Variants in LRP1 observed in about 807,000 individuals in gnomAD.
LRP1 encodes the protein LDL receptor related protein 1.
A neutral mutation model predicts 541.5 loss-of-function variants in LRP1; 51 were observed. The observed-to-expected ratio is 0.09, with a 90% CI of 0.08 to 0.12. The LOEUF (loss-of-function observed/expected upper bound fraction) is 0.12. LRP1 is among the 10% of genes least tolerant of loss of function. The pLI is 1.00. For synonymous variants in LRP1, 2,219 were observed against 2,470.8 expected (o/e 0.90, Z 3.02); for missense variants, 3,878 against 6,376.2 (o/e 0.61, Z 13.34).
At position 57,205,332 on chromosome 12, in the gene LRP1, C is replaced by T. The variant is rs779060952; in HGVS notation, c.11336-19C>T. 3 of 1,591,800 alleles carry T rather than the reference C, an allele frequency of 1.9e-6. No individual in the cohort carries two copies. The highest frequency in any genetic ancestry group is 2.6e-6 in the Non-Finnish European group (3 of 1,167,448). ...CTGGGGTGGCTCAAGGGAGGGCATC[C>T]ACTCTCTGTCCCCCACAGACCCCAA... On this transcript the variant is annotated intron_variant, in intron 73 of 88. Coordinates refer to ENST00000243077, the MANE Select transcript of LRP1 (RefSeq NM_002332.3). The surrounding 1 kb of genome is among the most constrained non-coding windows in gnomAD (Gnocchi z 4.6).
At position 57,199,356 on chromosome 12, in the gene LRP1, G is replaced by C. The variant is rs773955803; in HGVS notation, c.9821G>C (p.Arg3274Pro). 6.2e-7 allele frequency: 1 copy of C among 1,612,670 alleles called. No homozygotes were observed. The highest frequency in any genetic ancestry group is 8.5e-7 in the Non-Finnish European group (1 of 1,179,816). Residue 3274 changes from arginine to proline, a missense_variant, in exon 61 of 89, where the codon CGG (arginine) becomes CCG (proline). Arg to Pro is a moderately radical substitution (Grantham distance 103, BLOSUM62 -2). This residue lies in a region of LRP1 where 1,100 missense variants were observed against 1,827.4 expected (regional missense o/e 0.60). Coordinates refer to ENST00000243077, the MANE Select transcript of LRP1 (RefSeq NM_002332.3). ...ACGCTCCTCATCAGCACGCTGCACCGGCCCATGGACCTGCATGTCTTCCAT... is the reference window on the plus strand; with the variant it reads ...ACGCTCCTCATCAGCACGCTGCACCCGCCCATGGACCTGCATGTCTTCCAT... ...NKTLLISTLH[R>P]PMDLHVFHAL...
Position 57,201,499 on chromosome 12 carries a change from G to C in LRP1, c.10348G>C (p.Glu3450Gln), listed in dbSNP as rs761196035. Residue 3450 changes from glutamate to glutamine, a missense_variant and splice_region_variant, in exon 66 of 89, where the codon GAG becomes CAG. Glu to Gln is a conservative substitution (Grantham distance 29, BLOSUM62 2). Coordinates refer to ENST00000243077, the MANE Select transcript of LRP1 (RefSeq NM_002332.3). The surrounding 1 kb of genome is among the most constrained non-coding windows in gnomAD (Gnocchi z 6.4). ...TCATTCTCTTGCCCACCCCACAGCC[G>C]AGGTGACCTGCGCCCCCAACCAGTT... Reference protein sequence around the residue: ...GDGEDERDCPEVTCAPNQFQC... With the variant: ...GDGEDERDCPQVTCAPNQFQC... 1 of 1,612,006 alleles carries C rather than the reference G, an allele frequency of 6.2e-7. No individual in the cohort carries two copies. Among genetic ancestry groups the C allele is most frequent in the Non-Finnish European group, 8.5e-7 (1 of 1,178,776 alleles).
At chr12:57,210,961 C>G (rs999528750) in intron 83 of LRP1, 82 bp downstream of exon 83, 21 of 1,520,504 alleles carry the variant, frequency 1.4e-5, no homozygotes, top group Middle Eastern at 1.7e-4. Flanking sequence ...TCAACCTGTG[C>G]CTGGGACCCA....
intron 13 of LRP1, 138 bp downstream of exon 13, chr12:57,161,253 T>G: frequency 1.4e-6 from 1 of 735,912 alleles, no homozygotes; most frequent in Non-Finnish European, 2.2e-6. Flanking sequence ...GTGCATCTAT[T>G]TTTCTGTGCA....
intron 1 of LRP1, among the ~76,000 whole-genome samples, chr12:57,135,077 G>C (rs950606781): frequency 3.3e-5 from 5 of 152,170 alleles, no homozygotes; most frequent in Admixed American, 2.0e-4. Flanking sequence ...CAGTCACCCT[G>C]TGCCTCAGCT....
chr12:57,207,867 G>A (rs75346805), intron 76 of LRP1, among the ~76,000 whole-genome samples, 171 bp from the exon 77 acceptor site: 1,818 of 152,372 alleles, frequency 0.012, 51 homozygotes, highest in African/African-American at 0.041. Flanking sequence ...CACCAGCCAC[G>A]TGTGAGAGCT....
At position 57,178,351 on chromosome 12, in the gene LRP1, G is replaced by A. The variant is rs2036091907; in HGVS notation, c.4362-8G>A. 1 of 1,610,250 alleles carries A rather than the reference G, an allele frequency of 6.2e-7. No homozygotes were observed. The highest frequency in any genetic ancestry group is 1.1e-5 in the South Asian group (1 of 90,826). On this transcript the variant is annotated splice_region_variant and splice_polypyrimidine_tract_variant and intron_variant, in intron 26 of 88. Transcript: ENST00000243077. This position sits in a 1 kb window ranked among gnomAD's most constrained non-coding sequence, Gnocchi z 5.8. ...TGGCATCCTCATTCTGCTCCATCATGCTCTTAGGTCAGATGCCATTTACTC... is the reference window on the plus strand; with the variant it reads ...TGGCATCCTCATTCTGCTCCATCATACTCTTAGGTCAGATGCCATTTACTC...
rs138740336 is a variant in LRP1 at position 57,152,946 on chromosome 12, TG to T, written c.842-1258del. Among the ~76,000 whole-genome samples, 132 of 151,782 alleles carry T rather than the reference TG, an allele frequency of 8.7e-4. 1 individual carries two copies. Among genetic ancestry groups the T allele is most frequent in the African/African-American group, 3.0e-3 (123 of 41,460 alleles). On this transcript the variant is annotated intron_variant, in intron 6 of 88. Transcript: ENST00000243077. ...TTAGGGAGCAGCCCCTGAATCCCTGTGGGGAGGAGGGGGAATTAGGGAGGGG... is the reference window on the plus strand; with the variant it reads ...TTAGGGAGCAGCCCCTGAATCCCTGTGGGAGGAGGGGGAATTAGGGAGGGG...
In LRP1 at chr12:57,183,925, G is replaced by T. The variant is rs765314891; in HGVS notation, c.5929+16G>T. ...TGGATCGCAGGTGAGCAGTGGGCAG[G>T]TTTGTGGGGCTTGGGGTGTGGCAGA... On this transcript the variant is annotated intron_variant, in intron 36 of 88. Transcript: ENST00000243077. The surrounding 1 kb of genome is among the most constrained non-coding windows in gnomAD (Gnocchi z 6.1). 1 of 1,614,050 alleles carries T rather than the reference G, an allele frequency of 6.2e-7. No individual in the cohort carries two copies. Among genetic ancestry groups the T allele is most frequent in the Non-Finnish European group, 8.5e-7 (1 of 1,180,030 alleles).
Position 57,158,643 on chromosome 12 carries a change from G to C in LRP1, c.1798+5G>C, listed in dbSNP as rs1382125420. 1.2e-6 allele frequency: 2 copies of C among 1,612,810 alleles called. No homozygotes were observed. The highest frequency in any genetic ancestry group is 2.2e-5 in the South Asian group (2 of 91,030). On this transcript the variant is annotated splice_donor_5th_base_variant and intron_variant, in intron 11 of 88. Coordinates refer to ENST00000243077, the MANE Select transcript of LRP1 (RefSeq NM_002332.3). The surrounding 1 kb of genome is among the most constrained non-coding windows in gnomAD (Gnocchi z 5.3). ...GGGAGACCATCCTGAAGGACGGTAT[G>C]GGCTCCTAGGGATGTGGCCCATGGG... is the stretch of plus-strand genomic sequence containing the variant.
At chr12:57,193,369 C>A in intron 46 of LRP1, 65 bp downstream of exon 46, 1 of 1,588,912 alleles carries the variant, frequency 6.3e-7, no homozygotes, top group South Asian at 1.1e-5. Context: ...TCCCCCAGGC[C>A]CCTGCAGGAT....
In LRP1 at chr12:57,162,440, C is replaced by T. The variant is rs764523602; in HGVS notation, c.2326C>T (p.Pro776Ser). The T allele has an allele frequency of 8.1e-6, 13 of 1,613,830 alleles. No individual in the cohort carries two copies. Among genetic ancestry groups the T allele is most frequent in the Admixed American group, 1.7e-5 (1 of 59,998 alleles). ...YRLERGVGGA[P>S]PTVTLLRSER... is the part of the protein sequence containing the mutation. ...CTTGGAACGGGGTGTAGGAGGCGCA[C>T]CCCCCACTGTGACCCTTCTGCGCAG... Residue 776 changes from proline to serine, a missense_variant, in exon 14 of 89, where the codon CCC becomes TCC. By Grantham distance (74) the Pro-to-Ser change is moderately conservative. This residue lies in a region of LRP1 where 496 missense variants were observed against 861.0 expected (regional missense o/e 0.58). Coordinates refer to ENST00000243077, the MANE Select transcript of LRP1 (RefSeq NM_002332.3). The surrounding 1 kb of genome is among the most constrained non-coding windows in gnomAD (Gnocchi z 5.2).
Position 57,158,800 on chromosome 12 carries a change from CCTT to C in LRP1, c.1798+166_1798+168del. 6.6e-6 allele frequency among the ~76,000 whole-genome samples: 1 copy of C among 152,158 alleles called. No individual in the cohort carries two copies. The highest frequency in any genetic ancestry group is 1.5e-5 in the Non-Finnish European group (1 of 68,014). On this transcript the variant is annotated intron_variant, in intron 11 of 88. Transcript: ENST00000243077. This position sits in a 1 kb window ranked among gnomAD's most constrained non-coding sequence, Gnocchi z 5.3. The stretch of plus-strand genomic sequence containing the variant: ...AGACAGATTGACCCCTGTGTGACCC[CCTT>C]CTTGGCTGAGCCAAAGAGGCAGGGT...
rs767365318 is a variant in LRP1, at chr12:57,204,385, A to G, written c.10952-25A>G. 15 of 1,512,064 alleles carry G rather than the reference A, an allele frequency of 9.9e-6. No individual in the cohort carries two copies. Among genetic ancestry groups the G allele is most frequent in the South Asian group, 1.3e-5 (1 of 74,626 alleles). The allele number at this position is 1,512,064 out of a possible 1,614,324, so 93.7% of individuals were successfully genotyped here. A position where few individuals can be genotyped will look rare whatever the true frequency, so the allele number is the denominator to read the frequency against. On this transcript the variant is annotated intron_variant, in intron 70 of 88. Transcript: ENST00000243077. The surrounding 1 kb of genome is among the most constrained non-coding windows in gnomAD (Gnocchi z 5.3). ...TCTGGGTGGGCTCATGGCTCATTCT[A>G]TCTCTTGGCTCCCCCTGGCACCAGT... is the stretch of plus-strand genomic sequence containing the variant.
intron 1 of LRP1, among the ~76,000 whole-genome samples, chr12:57,137,758 T>TGCAC (rs1005137497): frequency 6.6e-6 from 1 of 150,918 alleles, no homozygotes; most frequent in African/African-American, 2.4e-5. Flanking sequence ...ATTGTGCCAC[T>TGCAC]GCACTCCAGC....
chr12:57,138,417 C>T (rs1316762902), intron 1 of LRP1, 42 bp from the exon 2 acceptor site: 1 of 1,606,500 alleles, frequency 6.2e-7, no homozygotes, highest in South Asian at 1.1e-5. Flanking sequence ...CAGAGTTGGC[C>T]TCCATCCTTC....
intron 3 of LRP1, among the ~76,000 whole-genome samples, chr12:57,143,415 G>T (rs1281378713): frequency 6.6e-6 from 1 of 152,218 alleles, no homozygotes; most frequent in Non-Finnish European, 1.5e-5. Flanking sequence ...GGGGACAGAG[G>T]TAGCCCAGAA....
chr12:57,201,720 A>G lies in LRP1; in HGVS notation c.10469-60A>G. 2 of 1,594,702 alleles carry G rather than the reference A, an allele frequency of 1.3e-6. No homozygotes were observed. The highest frequency in any genetic ancestry group is 1.7e-6 in the Non-Finnish European group (2 of 1,167,872). ...CAGTGGCTGCTCCCTCACTCTCCCC[A>G]CCCTCCCGGCACACTCCTGGAAGGA... On this transcript the variant is annotated intron_variant, in intron 66 of 88. Transcript: ENST00000243077. This position sits in a 1 kb window ranked among gnomAD's most constrained non-coding sequence, Gnocchi z 6.4.
Position 57,193,705 on chromosome 12 carries a change from A to C in LRP1, c.7804+20A>C. 6.2e-7 allele frequency: 1 copy of C among 1,614,092 alleles called. No homozygotes were observed. The highest frequency in any genetic ancestry group is 8.5e-7 in the Non-Finnish European group (1 of 1,180,020). On this transcript the variant is annotated intron_variant, in intron 47 of 88. Coordinates refer to ENST00000243077, the MANE Select transcript of LRP1 (RefSeq NM_002332.3). ...GCAACAGTGAGTGAGGCGCACTGGC[A>C]TAACCCATCTGTACCTCAGTTCCTG...
Sources: allele counts gnomAD v4.1 joint callset (sites outside exome capture counted in the v4.1 genomes callset), GRCh38; gene constraint gnomAD v4.1.1; regional missense constraint gnomAD v4.1.1; non-coding constraint Gnocchi (gnomAD v3.1); transcripts MANE v1.5; gene names NCBI Gene and HGNC (gene_info 2026-07-23, HGNC 2026-07-21).